The following ZPLD1 variants were observed in gnomAD, a reference collection of about 807,000 sequenced individuals.
The protein encoded by ZPLD1 is zona pellucida like domain containing 1, also known as zona pellucida-like domain-containing protein 1.
ZPLD1 carries 34 observed loss-of-function variants against 47.2 expected under a neutral mutation model. The ratio of observed to expected loss-of-function variants is 0.72; its 90% CI spans 0.55 to 0.96. The LOEUF is 0.96. ZPLD1 is among the 40% of genes least tolerant of loss of function. The probability of loss-of-function intolerance (pLI) is 0.00; values close to 1 mark genes in which losing one functional copy is unlikely to be tolerated. For missense variants in ZPLD1, 512 were observed against 505.8 expected (o/e 1.01, Z -0.12); for synonymous variants, 176 against 186.2 (o/e 0.95, Z 0.45).
chr3:102,392,679 A>C (rs777772475), intron 7 of ZPLD1, among the ~76,000 whole-genome samples: 1 of 152,044 alleles, frequency 6.6e-6, no homozygotes, highest in African/African-American at 2.4e-5. Context: ...GGTTTAATCC[A>C]TTTAAGAGGG....
rs769888369 is a variant in ZPLD1 at position 102,468,991 on chromosome 3, C to T, written c.789C>T (p.Val263=). The T allele has an allele frequency of 5.0e-6, 8 of 1,613,868 alleles. No individual in the cohort carries two copies. The highest frequency in any genetic ancestry group is 6.8e-6 in the Non-Finnish European group (8 of 1,179,888). Residue 263 remains valine, a synonymous_variant, in exon 9 of 12, where the codon GTC becomes GTT. Coordinates refer to ENST00000466937, the MANE Select transcript of ZPLD1 (RefSeq NM_001329788.2). ...GTGACAAGGACCCTCAGACCACCGT[C>T]ATTGAGAATGGCCGAAGCCAGCGGG... is the stretch of plus-strand genomic sequence containing the variant. ...LSCDKDPQTT[V]IENGRSQRGR...
intron 8 of ZPLD1, among the ~76,000 whole-genome samples, chr3:102,467,205 T>C (rs1449124039): frequency 6.6e-6 from 1 of 152,080 alleles, no homozygotes; most frequent in Non-Finnish European, 1.5e-5. Flanking sequence ...TCCTCACCAC[T>C]TGGAAGTTGT....
At chr3:102,453,227 C>G (rs575309597) in intron 4 of ZPLD1, 88 bp downstream of exon 4, 2 of 1,200,408 alleles carry the variant, frequency 1.7e-6, no homozygotes, top group Non-Finnish European at 2.4e-6. Context: ...CCCAATCTAT[C>G]TCTTGAGAAA....
In ZPLD1 at chr3:102,477,637, C is replaced by A; in HGVS notation, c.*19C>A. On this transcript the variant is annotated 3_prime_UTR_variant, in exon 12 of 12. Transcript: ENST00000466937. The stretch of plus-strand genomic sequence containing the variant: ...TGACTGACTATAACAGATTCCTGCT[C>A]TCTGGAGAAGGCTTCACTGACTAAA... The A allele has an allele frequency of 1.3e-6, 2 of 1,593,276 alleles. No individual in the cohort carries two copies. Among genetic ancestry groups the A allele is most frequent in the South Asian group, 2.3e-5 (2 of 87,816 alleles).
chr3:102,399,216 A>C (rs1706591590), intron 7 of ZPLD1, among the ~76,000 whole-genome samples: 1 of 152,128 alleles, frequency 6.6e-6, no homozygotes. Flanking sequence ...GGGTAGAGTG[A>C]CTATTTTAAA....
chr3:102,473,178 A>G (rs1707710760), intron 10 of ZPLD1, among the ~76,000 whole-genome samples: 1 of 152,206 alleles, frequency 6.6e-6, no homozygotes, highest in Admixed American at 6.5e-5. Flanking sequence ...ATAATTCAAG[A>G]TGAGATTTGG....
rs752126493 is a variant in ZPLD1 at position 102,387,468 on chromosome 3, A to AT, written c.-213+2157dup. On this transcript the variant is annotated intron_variant, in intron 6 of 17. Transcript: ENST00000491959. ...TCATTTAAAAAAATTTATATTAGGTATTTTTTCTTGACTTTCTTTGTCAGA... is the reference window on the plus strand; with the variant it reads ...TCATTTAAAAAAATTTATATTAGGTATTTTTTTCTTGACTTTCTTTGTCAGA... Among the ~76,000 whole-genome samples the AT allele has an allele frequency of 1.6e-4, 24 of 152,086 alleles. No individual in the cohort carries two copies. In the East Asian group the frequency reaches 3.3e-3, roughly 21 times the overall value.
intron 6 of ZPLD1, among the ~76,000 whole-genome samples, chr3:102,387,210 G>C (rs961291698): frequency 6.6e-6 from 1 of 152,098 alleles, no homozygotes; most frequent in African/African-American, 2.4e-5. Flanking sequence ...CTCTTCCACT[G>C]TCCCAAGTCT....
At chr3:102,385,193 C>G (rs564583306) in exon 6 of ZPLD1, 1 of 152,182 alleles carries the variant, frequency 6.6e-6, no homozygotes, top group Admixed American at 6.6e-5. Flanking sequence ...TTCTAAAAGT[C>G]TCCACATTTG....
intron 8 of ZPLD1, among the ~76,000 whole-genome samples, chr3:102,425,284 A>G (rs1429924204): frequency 1.3e-5 from 2 of 152,088 alleles, no homozygotes; most frequent in East Asian, 3.9e-4. Context: ...TTTTGCCATG[A>G]TGAATCTTGG....
At chr3:102,389,878 T>G (rs1423243335) in intron 6 of ZPLD1, among the ~76,000 whole-genome samples, 1 of 152,226 alleles carries the variant, frequency 6.6e-6, no homozygotes, top group African/African-American at 2.4e-5. Flanking sequence ...TGTCATGGTT[T>G]TCTGATGCTG....
chr3:102,407,245 A>C lies in ZPLD1; in HGVS notation c.-156-10815A>C, dbSNP rs113523260. ...TTGCTGAAAAGTCTTCATTCTTCCC[A>C]ACTCTATTGTTTTGCAGCTGGGTAG... On this transcript the variant is annotated intron_variant, in intron 7 of 17. Coordinates refer to the ZPLD1 transcript ENST00000491959. Among the ~76,000 whole-genome samples, 1,310 of 150,896 alleles carry C rather than the reference A, an allele frequency of 8.7e-3. 24 individuals are homozygous for C. The highest frequency in any genetic ancestry group is 0.03 in the African/African-American group (1,241 of 41,278).
At chr3:102,457,119 G>C (rs565194384) in intron 5 of ZPLD1, among the ~76,000 whole-genome samples, 1 of 152,302 alleles carries the variant, frequency 6.6e-6, no homozygotes, top group South Asian at 2.1e-4. Flanking sequence ...TTAAGTCTTA[G>C]TTATTGCTTA....
intron 3 of ZPLD1, among the ~76,000 whole-genome samples, chr3:102,445,948 G>A (rs1707249617): frequency 6.6e-6 from 1 of 152,082 alleles, no homozygotes; most frequent in African/African-American, 2.4e-5. Context: ...TCAATTTGAA[G>A]GTAGACATTA....
intron 6 of ZPLD1, among the ~76,000 whole-genome samples, chr3:102,389,667 G>C (rs1706473764): frequency 6.6e-6 from 1 of 152,108 alleles, no homozygotes; most frequent in Non-Finnish European, 1.5e-5. Flanking sequence ...GATTTTGTAT[G>C]GGTCTAGGTT....
intron 10 of ZPLD1, among the ~76,000 whole-genome samples, chr3:102,476,715 C>G (rs908815346): frequency 1.3e-5 from 2 of 151,948 alleles, no homozygotes; most frequent in Non-Finnish European, 1.5e-5. Context: ...AGTTGTCAGG[C>G]AAGAAAACAG....
intron 7 of ZPLD1, among the ~76,000 whole-genome samples, chr3:102,410,665 A>G (rs1217013223): frequency 6.6e-6 from 1 of 151,758 alleles, no homozygotes. Context: ...TGAAATCAGG[A>G]AGCCATTTAA....
intron 3 of ZPLD1, among the ~76,000 whole-genome samples, chr3:102,451,962 G>A (rs903215801): frequency 2.0e-5 from 3 of 151,900 alleles, no homozygotes; most frequent in African/African-American, 7.3e-5. Flanking sequence ...ATCTTTTTTT[G>A]GGGGGACATA....
At chr3:102,416,390 G>C (rs1375649828) in intron 7 of ZPLD1, among the ~76,000 whole-genome samples, 1 of 151,904 alleles carries the variant, frequency 6.6e-6, no homozygotes, top group Admixed American at 6.6e-5. Context: ...ATAAATGACA[G>C]AATTTATTAA....
Sources: allele counts gnomAD v4.1 joint callset (sites outside exome capture counted in the v4.1 genomes callset), GRCh38; gene constraint gnomAD v4.1.1; transcripts MANE v1.5; gene names NCBI Gene and HGNC (gene_info 2026-07-23, HGNC 2026-07-21).